Variants in LHFPL2 observed in about 807,000 individuals in gnomAD.
LHFPL2 encodes the protein LHFPL tetraspan subfamily member 2 protein.
In LHFPL2, 7 loss-of-function variants were observed where a neutral mutation model predicts 17.5. The observed-to-expected ratio is 0.40, with a 90% CI of 0.23 to 0.75. LHFPL2 has a LOEUF of 0.75. Ranked by LOEUF, LHFPL2 falls within the 30% of genes least tolerant of loss-of-function variation. The probability of loss-of-function intolerance (pLI) is 0.37; values close to 1 mark genes in which losing one functional copy is unlikely to be tolerated. For missense variants in LHFPL2, 241 were observed against 294.8 expected (o/e 0.82, Z 1.34); for synonymous variants, 134 against 116.2 (o/e 1.15, Z -0.99).
intron 4 of LHFPL2, among the ~76,000 whole-genome samples, chr5:78,493,873 G>T (rs367558906): frequency 6.6e-6 from 1 of 152,180 alleles, no homozygotes; most frequent in South Asian, 2.1e-4. Context: ...TAACAGATAC[G>T]AAGTTTGCTG....
At chr5:78,554,899 A>C (rs531530178) in intron 3 of LHFPL2, among the ~76,000 whole-genome samples, 1 of 152,338 alleles carries the variant, frequency 6.6e-6, no homozygotes, top group Admixed American at 6.5e-5. Context: ...AGCCCTAAAA[A>C]AACTTACCCC....
At chr5:78,518,673 G>A (rs1755359046) in intron 3 of LHFPL2, among the ~76,000 whole-genome samples, 1 of 152,214 alleles carries the variant, frequency 6.6e-6, no homozygotes, top group African/African-American at 2.4e-5. Context: ...TGTGCCAGCT[G>A]GGAGGAGGTG....
chr5:78,577,626 G>A (rs937547195), intron 2 of LHFPL2, among the ~76,000 whole-genome samples: 1 of 152,122 alleles, frequency 6.6e-6, no homozygotes, highest in African/African-American at 2.4e-5. Context: ...TCCCCAAGCT[G>A]AGTCCATTCA....
intron 3 of LHFPL2, among the ~76,000 whole-genome samples, chr5:78,523,802 C>T (rs918712864): frequency 2.0e-5 from 3 of 152,080 alleles, no homozygotes; most frequent in Non-Finnish European, 4.4e-5. Flanking sequence ...TTTCTCAACC[C>T]CAAACATTTA....
chr5:78,625,689 C>T (rs1176197896), intron 2 of LHFPL2: 7 of 152,202 alleles, frequency 4.6e-5, no homozygotes, highest in Admixed American at 3.3e-4. Context: ...GATTAGGAGT[C>T]GGAAGTCGTA....
intron 3 of LHFPL2, among the ~76,000 whole-genome samples, chr5:78,563,340 ATCTT>A (rs1282099277): frequency 5.9e-5 from 9 of 152,190 alleles, no homozygotes; most frequent in Admixed American, 5.9e-4. Context: ...TTTATTAATA[ATCTT>A]TATTAATAGA....
intron 2 of LHFPL2, among the ~76,000 whole-genome samples, chr5:78,588,149 CT>C (rs1207881510): frequency 6.6e-6 from 1 of 152,232 alleles, no homozygotes. Flanking sequence ...ACAAAACTAA[CT>C]TCCTGTGTCT....
intron 2 of LHFPL2, among the ~76,000 whole-genome samples, chr5:78,565,628 T>C (rs1756839311): frequency 1.3e-5 from 2 of 152,174 alleles, no homozygotes; most frequent in African/African-American, 4.8e-5. Flanking sequence ...TTGTTGAAAA[T>C]CTGTCATGCA....
At chr5:78,551,585 GA>G (rs1039877924) in intron 3 of LHFPL2, among the ~76,000 whole-genome samples, 2 of 152,124 alleles carry the variant, frequency 1.3e-5, no homozygotes, top group African/African-American at 4.8e-5. Flanking sequence ...TTGGGGCTCA[GA>G]AAACAACACC....
intron 3 of LHFPL2, among the ~76,000 whole-genome samples, chr5:78,541,168 G>A (rs1002947560): frequency 4.6e-5 from 7 of 151,994 alleles, no homozygotes; most frequent in Non-Finnish European, 1.0e-4. Flanking sequence ...ATCCATCACC[G>A]CCACTTCACC....
At chr5:78,587,921 A>G (rs1743483369) in intron 2 of LHFPL2, among the ~76,000 whole-genome samples, 1 of 152,166 alleles carries the variant, frequency 6.6e-6, no homozygotes, top group African/African-American at 2.4e-5. Flanking sequence ...AAGCAATCTG[A>G]GCTAAGGGCA....
At chr5:78,523,594 T>C (rs569772745) in intron 3 of LHFPL2, among the ~76,000 whole-genome samples, 4 of 152,178 alleles carry the variant, frequency 2.6e-5, no homozygotes, top group African/African-American at 7.2e-5. Context: ...GGGATGGTCC[T>C]AGAAGGCAAG....
At chr5:78,513,663 A>G (rs1755204392) in intron 3 of LHFPL2, among the ~76,000 whole-genome samples, 1 of 152,064 alleles carries the variant, frequency 6.6e-6, no homozygotes, top group African/African-American at 2.4e-5. Flanking sequence ...ATGGGGGCGG[A>G]TCCCCCATAC....
At chr5:78,570,216 C>A (rs1756959464) in intron 2 of LHFPL2, among the ~76,000 whole-genome samples, 2 of 152,194 alleles carry the variant, frequency 1.3e-5, no homozygotes, top group Admixed American at 6.5e-5. Flanking sequence ...ACAAAAGGAT[C>A]ATTGCCCTAT....
Position 78,648,768 on chromosome 5 carries a change from G to C in LHFPL2, c.-619C>G, listed in dbSNP as rs1466969225. The C allele has an allele frequency of 6.6e-6, 1 of 151,908 alleles. No individual in the cohort carries two copies. The highest frequency in any genetic ancestry group is 1.5e-5 in the Non-Finnish European group (1 of 68,158). 9.4% of individuals were successfully genotyped at this position (151,908 alleles called of 1,614,324 possible). ...CCGCCCGGGCTAGCACTCGGGGAGA[G>C]GGAGGAGGAGGAGGGGCGGGGGCAG... On this transcript the variant is annotated 5_prime_UTR_variant, in exon 1 of 5. Transcript: ENST00000380345. This position sits in a 1 kb window ranked among gnomAD's most constrained non-coding sequence, Gnocchi z 5.4.
chr5:78,505,718 G>A (rs746783237), intron 4 of LHFPL2, among the ~76,000 whole-genome samples: 75 of 152,168 alleles, frequency 4.9e-4, no homozygotes, highest in Non-Finnish European at 7.3e-4. Context: ...CAACAAATCC[G>A]GGAAACAAAT....
intron 2 of LHFPL2, among the ~76,000 whole-genome samples, chr5:78,577,443 G>C (rs1326530924): frequency 9.2e-5 from 14 of 152,130 alleles, no homozygotes; most frequent in Non-Finnish European, 1.0e-4. Flanking sequence ...AAAGGGGGCT[G>C]TTTCTCTCAA....
intron 2 of LHFPL2, among the ~76,000 whole-genome samples, chr5:78,621,310 G>A (rs12697891): frequency 0.31 from 47,435 of 151,982 alleles, 8,869 homozygotes; most frequent in Non-Finnish European, 0.43. Context: ...CAGTGCTGTC[G>A]TCTGGCAGAG....
chr5:78,616,743 A>G (rs1744630030), intron 2 of LHFPL2, among the ~76,000 whole-genome samples: 1 of 152,056 alleles, frequency 6.6e-6, no homozygotes, highest in Admixed American at 6.6e-5. Flanking sequence ...TCCTGATATG[A>G]GTCTGACTCT....
Sources: allele counts gnomAD v4.1 joint callset (sites outside exome capture counted in the v4.1 genomes callset), GRCh38; gene constraint gnomAD v4.1.1; non-coding constraint Gnocchi (gnomAD v3.1); transcripts MANE v1.5; gene names NCBI Gene and HGNC (gene_info 2026-07-23, HGNC 2026-07-21).